MOK: variants seen among roughly 807,000 people sequenced by gnomAD.
The protein encoded by MOK is MOK protein kinase.
MOK carries 59 observed loss-of-function variants against 54.2 expected under a neutral mutation model. The ratio of observed to expected loss-of-function variants is 1.09; its 90% confidence interval spans 0.88 to 1.35. MOK has a LOEUF of 1.35. Ranked by LOEUF, MOK falls within the 40% of genes most tolerant of loss-of-function variation. The probability of loss-of-function intolerance (pLI) is 0.00; values close to 1 mark genes in which losing one functional copy is unlikely to be tolerated. For missense variants in MOK, 517 were observed against 526.2 expected (o/e 0.98, Z 0.17); for synonymous variants, 210 against 202.7 (o/e 1.04, Z -0.31).
rs1408865165 is a variant in MOK at position 102,244,593 on chromosome 14, G to A, written c.590+6219C>T. On this transcript the variant is annotated intron_variant, in intron 7 of 11. Transcript: ENST00000361847. ...ACATCAAGCTCGGGGATTTGCCCCT[G>A]CCCAGGACTGGCAAATTGACTTTAC... Among the ~76,000 whole-genome samples the A allele has an allele frequency of 3.9e-5, 6 of 152,220 alleles. No homozygotes were observed. In the South Asian group the frequency reaches 1.0e-3, roughly 26 times the overall value.
At chr14:102,247,038 T>C (rs1303713851) in intron 7 of MOK, among the ~76,000 whole-genome samples, 1 of 151,802 alleles carries the variant, frequency 6.6e-6, no homozygotes, top group Non-Finnish European at 1.5e-5. Context: ...GACACCCCCA[T>C]TTATCCCTCT....
rs1001842715 is a variant in MOK at position 102,236,394 on chromosome 14, C to T, written c.591-2605G>A. Among the ~76,000 whole-genome samples the T allele has an allele frequency of 6.6e-6, 1 of 152,202 alleles. No homozygotes were observed. Among genetic ancestry groups the T allele is most frequent in the Non-Finnish European group, 1.5e-5 (1 of 68,024 alleles). Reference sequence around the variant, plus strand: ...CCCTCTCAGGTCTCAGTTGTGGGGGCTGATGGACTCATCTTGCGTCCACGC... The same window carrying T: ...CCCTCTCAGGTCTCAGTTGTGGGGGTTGATGGACTCATCTTGCGTCCACGC... On this transcript the variant is annotated intron_variant, in intron 7 of 11. Transcript: ENST00000361847. This position sits in a 1 kb window ranked among gnomAD's most constrained non-coding sequence, Gnocchi z 4.5.
At position 102,232,361 on chromosome 14, in the gene MOK, C is replaced by T. The variant is rs573088823; in HGVS notation, c.866+174G>A. On this transcript the variant is annotated intron_variant, in intron 9 of 11. Coordinates refer to ENST00000361847, the MANE Select transcript of MOK (RefSeq NM_014226.3). This position sits in a 1 kb window ranked among gnomAD's most constrained non-coding sequence, Gnocchi z 5.1. ...ACATCCTCATTTTGGGGAGGATACA[C>T]CAGAAGGCAGCACGGTGTGGGCCCC... The T allele has an allele frequency of 1.6e-6, 1 of 637,300 alleles. No homozygotes were observed. The highest frequency in any genetic ancestry group is 1.8e-5 in the African/African-American group (1 of 54,388). 39.5% of individuals were successfully genotyped at this position (637,300 alleles called of 1,614,324 possible). A position where few individuals can be genotyped will look rare whatever the true frequency, so the allele number is the denominator to read the frequency against.
downstream of MOK, among the ~76,000 whole-genome samples, chr14:102,220,796 A>G (rs1228214344): frequency 6.6e-6 from 1 of 151,888 alleles, no homozygotes; most frequent in Non-Finnish European, 1.5e-5. The surrounding 1 kb of genome is among the most constrained non-coding windows in gnomAD (Gnocchi z 4.2). Context: ...TTTTTGAGAC[A>G]GGGTCTTGCT....
Position 102,229,111 on chromosome 14 carries a change from G to T in MOK, c.*178C>A. The T allele has an allele frequency of 1.6e-6, 1 of 611,080 alleles. No individual in the cohort carries two copies. Among genetic ancestry groups the T allele is most frequent in the Non-Finnish European group, 2.8e-6 (1 of 357,914 alleles). 37.9% of individuals were successfully genotyped at this position (611,080 alleles called of 1,614,324 possible). ...AAGTATATTAGCCCAGAACATCCTA[G>T]GCAGCTGCGCGGGCCGCGGGTGCGG... On this transcript the variant is annotated 3_prime_UTR_variant, in exon 12 of 12. Coordinates refer to ENST00000361847, the MANE Select transcript of MOK (RefSeq NM_014226.3).
chr14:102,268,600 CAGGACTCAGACTTTTAAAAAAAAT>C (rs2068094853), intron 2 of MOK, among the ~76,000 whole-genome samples: 2 of 152,004 alleles, frequency 1.3e-5, no homozygotes, highest in Admixed American at 1.3e-4. Flanking sequence ...TTATGATCAC[CAGGACTCAGACTTTTAAAAAAAAT>C]GTAAAGATCG....
intron 2 of MOK, among the ~76,000 whole-genome samples, chr14:102,281,094 T>C (rs2069371793): frequency 1.3e-5 from 2 of 151,950 alleles, no homozygotes; most frequent in Admixed American, 6.6e-5. Context: ...GAGGCCAAGG[T>C]GGGCAGATCA....
intron 4 of MOK, among the ~76,000 whole-genome samples, chr14:102,256,859 C>T (rs558023275): frequency 1.1e-4 from 16 of 152,282 alleles, no homozygotes; most frequent in African/African-American, 3.6e-4. Flanking sequence ...TTTCCTACTG[C>T]AGATGGCATG....
At chr14:102,293,880 A>G (rs538438305) in intron 1 of MOK, among the ~76,000 whole-genome samples, 3 of 152,330 alleles carry the variant, frequency 2.0e-5, no homozygotes, top group Admixed American at 2.0e-4. Flanking sequence ...AAATGTGTGT[A>G]AAGGTGAACA....
intron 2 of MOK, among the ~76,000 whole-genome samples, chr14:102,279,272 T>C (rs541823869): frequency 1.3e-5 from 2 of 149,776 alleles, no homozygotes; most frequent in South Asian, 4.2e-4. Context: ...ACTAAAAGCA[T>C]AGCAAGAGAA....
chr14:102,274,545 C>T (rs1224986340), intron 2 of MOK, among the ~76,000 whole-genome samples: 1 of 151,342 alleles, frequency 6.6e-6, no homozygotes, highest in African/African-American at 2.4e-5. Context: ...GCGTGAGAAA[C>T]TGTGCCCGGC....
chr14:102,290,478 G>A (rs1424764985), intron 1 of MOK, among the ~76,000 whole-genome samples: 1 of 151,876 alleles, frequency 6.6e-6, no homozygotes, highest in Non-Finnish European at 1.5e-5. Context: ...AAAAAAAATA[G>A]TAAAAATGAA....
chr14:102,256,371 T>G (rs573557866), intron 4 of MOK, among the ~76,000 whole-genome samples: 6 of 151,618 alleles, frequency 4.0e-5, no homozygotes, highest in Non-Finnish European at 7.4e-5. Flanking sequence ...GAGACCATCC[T>G]GGCTAACACG....
intron 4 of MOK, among the ~76,000 whole-genome samples, chr14:102,260,044 C>T (rs949300605): frequency 3.9e-5 from 6 of 152,124 alleles, no homozygotes; most frequent in African/African-American, 7.2e-5. Flanking sequence ...GGGGTGGTGG[C>T]GCATGCCTGT....
At chr14:102,283,734 G>A (rs954670506) in intron 1 of MOK, 142 bp from the exon 2 acceptor site, 20 of 574,406 alleles carry the variant, frequency 3.5e-5, no homozygotes, top group African/African-American at 3.2e-4. Context: ...GTAAGATTTA[G>A]TGGTCCCCTC....
chr14:102,302,540 C>T (rs181285612), intron 1 of MOK, among the ~76,000 whole-genome samples: 1,552 of 151,832 alleles, frequency 0.01, 25 homozygotes, highest in African/African-American at 0.036. Context: ...CTCAGCCTCC[C>T]GAGTAGCTGG....
downstream of MOK, among the ~76,000 whole-genome samples, chr14:102,227,319 C>A (rs1379923037): frequency 6.6e-6 from 1 of 151,846 alleles, no homozygotes; most frequent in Non-Finnish European, 1.5e-5. Flanking sequence ...TCTCTTGTGA[C>A]CTGCGCGCCG....
intron 4 of MOK, among the ~76,000 whole-genome samples, chr14:102,252,454 C>CA (rs981737314): frequency 2.0e-3 from 286 of 139,916 alleles, no homozygotes; most frequent in African/African-American, 6.5e-3. Flanking sequence ...AAACTCCGTC[C>CA]AAAAAAAAAA....
chr14:102,246,310 G>A (rs1040325525), intron 7 of MOK: 1 of 152,072 alleles, frequency 6.6e-6, no homozygotes, highest in Non-Finnish European at 1.5e-5. Flanking sequence ...CCTTTTTCAA[G>A]TGGATAATCG....
Sources: allele counts gnomAD v4.1 joint callset (sites outside exome capture counted in the v4.1 genomes callset), GRCh38; gene constraint gnomAD v4.1.1; non-coding constraint Gnocchi (gnomAD v3.1); transcripts MANE v1.5; gene names NCBI Gene and HGNC (gene_info 2026-07-23, HGNC 2026-07-21).